The following RYR1 variants were observed in gnomAD, a reference collection of about 807,000 sequenced individuals.
RYR1 encodes the protein ryanodine receptor 1.
A neutral mutation model predicts 583.5 loss-of-function variants in RYR1; 342 were observed. That is an observed-to-expected ratio of 0.59 (90% CI 0.54 to 0.64). RYR1 has a LOEUF of 0.64. Ranked by LOEUF, RYR1 falls within the 30% of genes least tolerant of loss-of-function variation. The pLI is 0.00. For synonymous variants in RYR1, 2,791 were observed against 2,822.5 expected (o/e 0.99, Z 0.35); for missense variants, 6,032 against 6,917.2 (o/e 0.87, Z 4.54).
At position 38,511,545 on chromosome 19, in the gene RYR1, C is replaced by T. The variant is rs1970725718; in HGVS notation, c.9123-16C>T. 5.6e-6 allele frequency: 9 copies of T among 1,613,664 alleles called. No homozygotes were observed. The highest frequency in any genetic ancestry group is 7.6e-6 in the Non-Finnish European group (9 of 1,180,004). On this transcript the variant is annotated splice_polypyrimidine_tract_variant and intron_variant, in intron 60 of 105. Transcript: ENST00000359596. The stretch of plus-strand genomic sequence containing the variant: ...TCGCTGTTTCTCCTGCCTTCTGTCC[C>T]TTTCTCTTTCTTCAGCCTCTTCTGC...
chr19:38,465,021 G>A lies in RYR1; in HGVS notation c.2870+299G>A, dbSNP rs114945956. Among the ~76,000 whole-genome samples, 641 of 152,216 alleles carry A rather than the reference G, an allele frequency of 4.2e-3. 6 individuals carry two copies. Among genetic ancestry groups the A allele is most frequent in the African/African-American group, 0.015 (618 of 41,530 alleles). The stretch of plus-strand genomic sequence containing the variant: ...GTCACATGTCCACGTAAGGGGTAAG[G>A]GGCCAATGGTAAGAGGTGAGAATCT... On this transcript the variant is annotated intron_variant, in intron 23 of 105. Coordinates refer to ENST00000359596, the MANE Select transcript of RYR1 (RefSeq NM_000540.3).
chr19:38,519,087 A>T, intron 66 of RYR1, 127 bp from the exon 67 acceptor site: 1 of 1,474,230 alleles, frequency 6.8e-7, no homozygotes, highest in Non-Finnish European at 9.4e-7. Context: ...ATCCAAGGTT[A>T]GGGTCAGGCT....
intron 33 of RYR1, among the ~76,000 whole-genome samples, chr19:38,484,899 G>T (rs1228679426): frequency 6.6e-6 from 1 of 151,902 alleles, no homozygotes; most frequent in Non-Finnish European, 1.5e-5. Context: ...CTTAAGCCCA[G>T]GAGTTCAAGG....
At position 38,528,418 on chromosome 19, in the gene RYR1, C is replaced by G; in HGVS notation, c.10937C>G (p.Thr3646Arg). The change falls in exon 74 of 106, where the codon ACG becomes AGG. Residue 3646 changes from threonine to arginine, a missense_variant and splice_region_variant. Physicochemically the swap from Thr to Arg is moderately conservative, Grantham distance 71. This residue lies in a region of RYR1 where 1,493 missense variants were observed against 1,715.5 expected (regional missense o/e 0.87). Coordinates refer to ENST00000359596, the MANE Select transcript of RYR1 (RefSeq NM_000540.3). ...ATGACGCCCCTGTACAACCTGCCCACGTAAGGCCCCCAGGGACAAGGGAAG... is the reference window on the plus strand; with the variant it reads ...ATGACGCCCCTGTACAACCTGCCCAGGTAAGGCCCCCAGGGACAAGGGAAG... ...FRMTPLYNLP[T>R]HRACNMFLES... 1 of 1,613,940 alleles carries G rather than the reference C, an allele frequency of 6.2e-7. No individual in the cohort carries two copies. The highest frequency in any genetic ancestry group is 1.1e-5 in the South Asian group (1 of 91,064).
Position 38,452,902 on chromosome 19 carries a change from G to C in RYR1, c.1328G>C (p.Ser443Thr). The change falls in exon 13 of 106, where the codon AGC becomes ACC. Residue 443 changes from serine to threonine, a missense_variant. By Grantham distance (58) the Ser-to-Thr change is moderately conservative. Transcript: ENST00000359596. ...TALPIEGVILSLQDLIIYFEP... is the reference protein window; with the variant it reads ...TALPIEGVILTLQDLIIYFEP... ...CTGCCCATCGAGGGCGTTATCCTGAGCCTGCAGGACCTCATCATCTACTTC... is the reference window on the plus strand; with the variant it reads ...CTGCCCATCGAGGGCGTTATCCTGACCCTGCAGGACCTCATCATCTACTTC... 6.2e-7 allele frequency: 1 copy of C among 1,613,524 alleles called. No homozygotes were observed. The highest frequency in any genetic ancestry group is 8.5e-7 in the Non-Finnish European group (1 of 1,179,708).
Position 38,485,734 on chromosome 19 carries a change from G to T in RYR1, c.5079G>T (p.Leu1693=), listed in dbSNP as rs1179759234. The T allele has an allele frequency of 4.3e-6, 7 of 1,612,520 alleles. No homozygotes were observed. Among genetic ancestry groups the T allele is most frequent in the African/African-American group, 1.3e-5 (1 of 74,938 alleles). ...GCAGCCACGTAGACCAAGCTCAGCTGCTGCACGCCCTGGAGGACGCGCACC... is the reference window on the plus strand; with the variant it reads ...GCAGCCACGTAGACCAAGCTCAGCTTCTGCACGCCCTGGAGGACGCGCACC... ...ALCSHVDQAQ[L]LHALEDAHLP... Residue 1693 remains leucine (L), a synonymous_variant, in exon 34 of 106, where the codon CTG becomes CTT. Coordinates refer to ENST00000359596, the MANE Select transcript of RYR1 (RefSeq NM_000540.3).
At chr19:38,443,154 C>T (rs1044011170) in intron 3 of RYR1, among the ~76,000 whole-genome samples, 3 of 152,178 alleles carry the variant, frequency 2.0e-5, no homozygotes, top group East Asian at 1.9e-4. Context: ...CCAGAGCACA[C>T]GGGCTGCAGC....
intron 83 of RYR1, 93 bp downstream of exon 83, chr19:38,536,860 C>T (rs970716551): frequency 4.5e-5 from 62 of 1,386,344 alleles, no homozygotes; most frequent in African/African-American, 8.5e-5. Context: ...GGATCTGGGA[C>T]GTGGAGGGGA....
rs2145569858 is a variant in RYR1 at position 38,492,404 on chromosome 19, G to A, written c.6128-86G>A. 2.9e-6 allele frequency: 4 copies of A among 1,377,758 alleles called. No individual in the cohort carries two copies. In the East Asian group the frequency reaches 7.0e-5, roughly 24 times the overall value. 85.3% of individuals were successfully genotyped at this position (1,377,758 alleles called of 1,614,324 possible). ...GAAATGAAAAACTCCATGCATGCAT[G>A]CACATATGCACAAATAAATGAGTGT... On this transcript the variant is annotated intron_variant, in intron 37 of 105. Coordinates refer to ENST00000359596, the MANE Select transcript of RYR1 (RefSeq NM_000540.3).
chr19:38,502,633 T>C lies in RYR1; in HGVS notation c.7741T>C (p.Ser2581Pro). The change falls in exon 48 of 106, where the codon TCT becomes CCT. Residue 2581 changes from serine to proline, a missense_variant. This residue lies in a region of RYR1 where 250 missense variants were observed against 162.3 expected (regional missense o/e 1.54). Coordinates refer to ENST00000359596, the MANE Select transcript of RYR1 (RefSeq NM_000540.3). ...AGAACACCGCGCCATCATGGTGGACTCTATGCTGCATACCGTGTACCGCCT... is the reference window on the plus strand; with the variant it reads ...AGAACACCGCGCCATCATGGTGGACCCTATGCTGCATACCGTGTACCGCCT... Reference protein sequence around the residue: ...GTEHRAIMVDSMLHTVYRLSR... With the variant: ...GTEHRAIMVDPMLHTVYRLSR... 6.2e-7 allele frequency: 1 copy of C among 1,613,086 alleles called. No homozygotes were observed. The highest frequency in any genetic ancestry group is 8.5e-7 in the Non-Finnish European group (1 of 1,179,912).
intron 11 of RYR1, among the ~76,000 whole-genome samples, chr19:38,451,407 G>T (rs1233159685): frequency 3.3e-5 from 5 of 152,012 alleles, no homozygotes; most frequent in Non-Finnish European, 2.9e-5. Flanking sequence ...TCTGGTCGGG[G>T]GGAATGTTAA....
rs932319067 is a variant in RYR1, at chr19:38,466,471, G to A, written c.3178+73G>A. 7.5e-5 allele frequency: 100 copies of A among 1,332,796 alleles called. No individual in the cohort carries two copies. In the African/African-American group the frequency reaches 1.4e-3, roughly 19 times the overall value. 82.6% of individuals were successfully genotyped at this position (1,332,796 alleles called of 1,614,324 possible). ...ACCCCAGCCCCGATCCCTGATCTCT[G>A]ACCTGACTCAGCCCCCAAATGGGCT... On this transcript the variant is annotated intron_variant, in intron 24 of 105. Coordinates refer to ENST00000359596, the MANE Select transcript of RYR1 (RefSeq NM_000540.3).
chr19:38,565,988 GA>G lies in RYR1; in HGVS notation c.13437+220del, dbSNP rs1373437034. On this transcript the variant is annotated intron_variant, in intron 91 of 105. Coordinates refer to ENST00000359596, the MANE Select transcript of RYR1 (RefSeq NM_000540.3). This position sits in a 1 kb window ranked among gnomAD's most constrained non-coding sequence, Gnocchi z 4.7. ...ACAGAGGGATACTCAGACCCACAGA[GA>G]AAGAGACTCAGAGATGGAGACCTGG... 2.0e-5 allele frequency among the ~76,000 whole-genome samples: 3 copies of G among 152,002 alleles called. No homozygotes were observed.
Position 38,567,901 on chromosome 19 carries a change from A to C in RYR1, c.13643A>C (p.Gln4548Pro). Residue 4548 changes from glutamine (Q) to proline (P), a missense_variant, in exon 93 of 106, where the codon CAG (glutamine) becomes CCG (proline). This residue lies in a region of RYR1 where 753 missense variants were observed against 759.6 expected (regional missense o/e 0.99). Transcript: ENST00000359596. ...GGEFWGELEV[Q>P]RVKFLNYLSR... is the part of the protein sequence containing the mutation. The stretch of plus-strand genomic sequence containing the variant: ...GAATTCTGGGGAGAACTGGAGGTGC[A>C]GAGGGTGAAGTTCCTGGTAAGGATC... The C allele has an allele frequency of 6.2e-7, 1 of 1,613,642 alleles. No homozygotes were observed. The highest frequency in any genetic ancestry group is 8.5e-7 in the Non-Finnish European group (1 of 1,179,974).
intron 24 of RYR1, 46 bp from the exon 25 acceptor site, chr19:38,467,564 C>G (rs1198810225): frequency 3.1e-6 from 5 of 1,600,590 alleles, no homozygotes; most frequent in Non-Finnish European, 4.3e-6. Flanking sequence ...GTCTTGGGAT[C>G]CACATCTTCC....
chr19:38,460,565 G>T lies in RYR1; in HGVS notation c.2551G>T (p.Val851Leu), dbSNP rs375669412. 3.7e-6 allele frequency: 6 copies of T among 1,612,996 alleles called. No individual in the cohort carries two copies. Among genetic ancestry groups the T allele is most frequent in the South Asian group, 1.1e-5 (1 of 91,090 alleles). ...PSRCLSHTDF[V>L]PCPVDTVQIV... ...TCGCTGCCTCTCACACACCGACTTCGTGCCCTGCCCTGTGGACACTGTCCA... is the reference window on the plus strand; with the variant it reads ...TCGCTGCCTCTCACACACCGACTTCTTGCCCTGCCCTGTGGACACTGTCCA... The change falls in exon 20 of 106, where the codon GTG becomes TTG. Residue 851 changes from valine (V) to leucine (L), a missense_variant. Val to Leu is a conservative substitution (Grantham distance 32). Coordinates refer to ENST00000359596, the MANE Select transcript of RYR1 (RefSeq NM_000540.3).
At chr19:38,460,644 A>G in intron 20 of RYR1, 53 bp downstream of exon 20, 1 of 1,516,762 alleles carries the variant, frequency 6.6e-7, no homozygotes, top group African/African-American at 1.4e-5. Context: ...CTTAGGAGTC[A>G]GAGAGGGGGC....
rs192537313 is a variant in RYR1 at position 38,497,892 on chromosome 19, T to C, written c.6891+938T>C. 5.8e-3 allele frequency among the ~76,000 whole-genome samples: 882 copies of C among 151,944 alleles called. 9 individuals are homozygous for C. The highest frequency in any genetic ancestry group is 0.019 in the African/African-American group (803 of 41,360). On this transcript the variant is annotated intron_variant, in intron 42 of 105. Transcript: ENST00000359596. ...AGGAGGCTAAGGTGGGAGGATTTGA[T>C]AGAGCCTGCGAGGCTGAGGCTGCAG...
rs868445318 is a variant in RYR1, at chr19:38,489,257, G to A, written c.5628G>A (p.Glu1876=). Residue 1876 remains glutamate (E), a synonymous_variant, in exon 35 of 106, where the codon GAG becomes GAA. Coordinates refer to ENST00000359596, the MANE Select transcript of RYR1 (RefSeq NM_000540.3). ...CTGAGGTCTTCACTGAGGAAGAAGA[G>A]GAGGAGGACGAGGAGGAAGAGGGTG... ...IEPEVFTEEE[E]EEDEEEEGEE... is the part of the protein sequence containing the mutation. 4.3e-6 allele frequency: 7 copies of A among 1,611,948 alleles called. No homozygotes were observed. The Middle Eastern group carries it at 5.0e-4, about 114-fold the overall frequency.
Sources: gnomAD v4.1 joint callset for allele counts (sites outside exome capture counted in the v4.1 genomes callset) on GRCh38, gnomAD v4.1.1 for gene constraint, gnomAD v4.1.1 regional missense constraint, Gnocchi (gnomAD v3.1) non-coding constraint, MANE v1.5 for transcripts, NCBI Gene and HGNC (gene_info 2026-07-23, HGNC 2026-07-21) for gene names.